Variants in ZNF713 observed in about 807,000 individuals in gnomAD.
ZNF713 encodes zinc finger protein 713.
ZNF713 carries 21 observed loss-of-function variants against 28.7 expected under a neutral mutation model. That is an observed-to-expected ratio of 0.73 (90% CI 0.52 to 1.05). The LOEUF (loss-of-function observed/expected upper bound fraction) is 1.05, where lower values mean the gene tolerates loss of function less well. Among genes scored for constraint, ZNF713 ranks in the 50% least tolerant of loss-of-function variants. The probability of loss-of-function intolerance (pLI) is 0.00; values close to 1 mark genes in which losing one functional copy is unlikely to be tolerated. For missense variants in ZNF713, 458 were observed against 532.4 expected, an observed-to-expected ratio of 0.86 and a Z score of 1.37; for synonymous variants, 167 against 178.0, an observed-to-expected ratio of 0.94 and a Z score of 0.49.
At chr7:55,907,014 C>A (rs189534108) in intron 2 of ZNF713, among the ~76,000 whole-genome samples, 3 of 152,194 alleles carry the variant, frequency 2.0e-5, no homozygotes, top group Non-Finnish European at 4.4e-5. Context: ...AATTAAAAGC[C>A]TATATTTAGG....
intron 1 of ZNF713, among the ~76,000 whole-genome samples, chr7:55,891,558 T>C (rs1785379789): frequency 6.6e-6 from 1 of 152,044 alleles, no homozygotes; most frequent in Admixed American, 6.5e-5. Context: ...CCACACGTGG[T>C]GGTGCGCACC....
intron 1 of ZNF713, among the ~76,000 whole-genome samples, chr7:55,904,052 A>G (rs1785628778): frequency 6.6e-6 from 1 of 151,738 alleles, no homozygotes; most frequent in Admixed American, 6.6e-5. Context: ...AAGAAGCAGC[A>G]ACACATAAAA....
intron 1 of ZNF713, among the ~76,000 whole-genome samples, chr7:55,889,427 T>C (rs1287678275): frequency 6.6e-6 from 1 of 152,140 alleles, no homozygotes; most frequent in Non-Finnish European, 1.5e-5. Flanking sequence ...ACTTAAATTG[T>C]GAGGCATTTA....
In ZNF713 at chr7:55,941,767, C is replaced by T. The variant is rs1263188393; in HGVS notation, c.*1761C>T. On this transcript the variant is annotated 3_prime_UTR_variant, in exon 7 of 7. Coordinates refer to ENST00000429591, the MANE Select transcript of ZNF713 (RefSeq NM_182633.3). ...TGAAATTAAAAATATTCGTTGATGT[C>T]CCCCCAAAAATCTTGTGTGCCGTTG... is the stretch of plus-strand genomic sequence containing the variant. The T allele has an allele frequency of 6.6e-6, 1 of 151,888 alleles. No homozygotes were observed. The highest frequency in any genetic ancestry group is 1.5e-5 in the Non-Finnish European group (1 of 67,982). 9.4% of individuals were successfully genotyped at this position (151,888 alleles called of 1,614,324 possible).
intron 1 of ZNF713, among the ~76,000 whole-genome samples, chr7:55,892,209 C>T (rs533777593): frequency 6.8e-5 from 9 of 132,974 alleles, no homozygotes; most frequent in Admixed American, 4.5e-4. Flanking sequence ...ACCCGGGAGG[C>T]GGAGTTTGCA....
chr7:55,892,149 G>A (rs1220404960), intron 1 of ZNF713, among the ~76,000 whole-genome samples: 1 of 150,438 alleles, frequency 6.6e-6, no homozygotes, highest in African/African-American at 2.5e-5. Context: ...GCCTGGTGGC[G>A]GGCGCCTGTA....
intron 1 of ZNF713, among the ~76,000 whole-genome samples, chr7:55,891,010 G>T (rs373683233): frequency 2.1e-5 from 3 of 142,432 alleles, no homozygotes; most frequent in African/African-American, 2.6e-5. Flanking sequence ...AAAAAAAAAA[G>T]AAAAAAAAAT....
chr7:55,934,849 A>C lies in ZNF713; in HGVS notation c.308-4133A>C, dbSNP rs1026217842. 2.0e-5 allele frequency among the ~76,000 whole-genome samples: 3 copies of C among 150,614 alleles called. No individual in the cohort carries two copies. In the South Asian group the frequency reaches 6.3e-4, roughly 32 times the overall value. ...GAACAATTTGACAGAATTTATCAAA[A>C]TGTGTAGTGTGCAAACCCTATGATC... On this transcript the variant is annotated intron_variant, in intron 6 of 6. Transcript: ENST00000429591.
At chr7:55,937,101 C>G (rs1056410065) in intron 6 of ZNF713, among the ~76,000 whole-genome samples, 4 of 151,994 alleles carry the variant, frequency 2.6e-5, no homozygotes, top group African/African-American at 9.7e-5. Flanking sequence ...GAATTCGAGA[C>G]CAGCCTGACC....
At chr7:55,921,255 T>G (rs1785986001) in intron 4 of ZNF713, among the ~76,000 whole-genome samples, 1 of 152,144 alleles carries the variant, frequency 6.6e-6, no homozygotes, top group South Asian at 2.1e-4. Flanking sequence ...GGAGCTCTGA[T>G]GGAGATGTAC....
At chr7:55,901,550 A>G (rs1368798682) in intron 1 of ZNF713, among the ~76,000 whole-genome samples, 7 of 152,352 alleles carry the variant, frequency 4.6e-5, no homozygotes, top group Admixed American at 3.9e-4. Context: ...ACCAGTGTCT[A>G]GTAGTTTAAT....
At chr7:55,937,977 T>G (rs1786387003) in intron 6 of ZNF713, among the ~76,000 whole-genome samples, 1 of 151,548 alleles carries the variant, frequency 6.6e-6, no homozygotes, top group Non-Finnish European at 1.5e-5. Context: ...GCTGAGGCAA[T>G]CAGATCACCT....
intron 6 of ZNF713, among the ~76,000 whole-genome samples, chr7:55,931,070 G>A (rs997817416): frequency 6.6e-6 from 1 of 152,148 alleles, no homozygotes; most frequent in African/African-American, 2.4e-5. Context: ...TGGATCACGT[G>A]AGGTCAGGAG....
At chr7:55,931,159 G>A (rs904313041) in intron 6 of ZNF713, among the ~76,000 whole-genome samples, 9 of 151,872 alleles carry the variant, frequency 5.9e-5, no homozygotes, top group East Asian at 1.9e-4. Context: ...GGTGGCGGGC[G>A]CCTGTAATCC....
At chr7:55,888,767 A>G (rs1026988341) in intron 1 of ZNF713, among the ~76,000 whole-genome samples, 5 of 93,882 alleles carry the variant, frequency 5.3e-5, no homozygotes, top group African/African-American at 1.8e-4. Context: ...TTCATTTAAA[A>G]TGTTTAGGCC....
rs114407032 is a variant in ZNF713 at position 55,917,501 on chromosome 7, A to G, written c.87+4778A>G. On this transcript the variant is annotated intron_variant, in intron 4 of 6. Transcript: ENST00000429591. ...GATCACTTGAGGTCAGGAGTTTGAG[A>G]CAAGTGTGACCAACTTGGTGCAACT... Among the ~76,000 whole-genome samples, 1,368 of 152,168 alleles carry G rather than the reference A, an allele frequency of 9.0e-3. 18 individuals are homozygous for G. Among genetic ancestry groups the G allele is most frequent in the African/African-American group, 0.03 (1,264 of 41,514 alleles).
At position 55,906,543 on chromosome 7, in the gene ZNF713, T is replaced by C. The variant is rs186645294; in HGVS notation, c.-456+164T>C. 1.3e-3 allele frequency among the ~76,000 whole-genome samples: 205 copies of C among 152,320 alleles called. 2 individuals are homozygous for C. The highest frequency in any genetic ancestry group is 1.4e-3 in the Admixed American group (21 of 15,288). On this transcript the variant is annotated intron_variant, in intron 2 of 6. Coordinates refer to ENST00000429591, the MANE Select transcript of ZNF713 (RefSeq NM_182633.3). ...ATCTGCAGAGAACTGCCTTTTTTTTTCTGCCTCTGTCACAGCGGAAAGTTC... is the reference window on the plus strand; with the variant it reads ...ATCTGCAGAGAACTGCCTTTTTTTTCCTGCCTCTGTCACAGCGGAAAGTTC...
intron 6 of ZNF713, among the ~76,000 whole-genome samples, chr7:55,927,896 CAAAAAAAAAAAA>C (rs71533249): frequency 2.2e-5 from 1 of 44,938 alleles, no homozygotes; most frequent in African/African-American, 9.5e-5. Context: ...GACTCTGTCT[CAAAAAAAAAAAA>C]AAAAAAAAAA....
In ZNF713 at chr7:55,940,329, G is replaced by A. The variant is rs775467503; in HGVS notation, c.*323G>A. On this transcript the variant is annotated 3_prime_UTR_variant, in exon 7 of 7. Transcript: ENST00000429591. ...AGTAGAGACGGGGTTTCACCATGTT[G>A]GCCAGGCTGGTCTCGAACTCCTAAC... The A allele has an allele frequency of 1.8e-6, 1 of 566,908 alleles. No individual in the cohort carries two copies. The highest frequency in any genetic ancestry group is 6.6e-5 in the South Asian group (1 of 15,108). 35.1% of individuals were successfully genotyped at this position (566,908 alleles called of 1,614,324 possible).
Sources: gnomAD v4.1 joint callset for allele counts (sites outside exome capture counted in the v4.1 genomes callset) on GRCh38, gnomAD v4.1.1 for gene constraint, MANE v1.5 for transcripts, NCBI Gene and HGNC (gene_info 2026-07-23, HGNC 2026-07-21) for gene names.